Variants in GGACT observed in about 807,000 individuals in gnomAD.
GGACT encodes gamma-glutamylaminecyclotransferase.
For missense variants in GGACT, 241 were observed against 233.2 expected (o/e 1.03, Z -0.22); for synonymous variants, 118 against 115.3 (o/e 1.02, Z -0.15).
At chr13:100,540,300 TTGAC>T in intron 2 of GGACT, 1 of 890,908 alleles carries the variant, frequency 1.1e-6, no homozygotes, top group South Asian at 1.3e-5. Flanking sequence ...GGGGAGATTT[TTGAC>T]TGCTGCTTCA....
chr13:100,550,289 G>A lies in GGACT; in HGVS notation c.-10-17688C>T, dbSNP rs1226492634. ...GCGCTGAATGAATTAAATCCGAGCCGATTATACTCTACACACACACACACA... is the reference window on the plus strand; with the variant it reads ...GCGCTGAATGAATTAAATCCGAGCCAATTATACTCTACACACACACACACA... On this transcript the variant is annotated intron_variant, in intron 2 of 2. Coordinates refer to ENST00000683975, the MANE Select transcript of GGACT (RefSeq NM_001195087.2). Among the ~76,000 whole-genome samples the A allele has an allele frequency of 2.8e-5, 4 of 142,570 alleles. No individual in the cohort carries two copies. The East Asian group carries it at 6.2e-4, about 22-fold the overall frequency. 93.5% of individuals were successfully genotyped at this position (142,570 alleles called of 152,430 possible). A position where few individuals can be genotyped will look rare whatever the true frequency, so the allele number is the denominator to read the frequency against.
At chr13:100,570,771 C>T (rs543033157) in intron 2 of GGACT, among the ~76,000 whole-genome samples, 1 of 152,188 alleles carries the variant, frequency 6.6e-6, no homozygotes, top group Admixed American at 6.5e-5. Flanking sequence ...TCAGGTATGT[C>T]TTTATTAGCA....
Position 100,540,148 on chromosome 13 carries a change from T to G in GGACT, c.-10-7547A>C. 6.3e-6 allele frequency: 10 copies of G among 1,591,812 alleles called. No homozygotes were observed. The South Asian group carries it at 1.1e-4, about 18-fold the overall frequency. On this transcript the variant is annotated intron_variant, in intron 2 of 2. Transcript: ENST00000683975. ...TCGAATGACGAATTTCTTAATGGCG[T>G]TGTCCTTGGGCACGCATCGGGCACA...
At chr13:100,576,717 C>T (rs532070289) in intron 2 of GGACT, among the ~76,000 whole-genome samples, 10 of 152,210 alleles carry the variant, frequency 6.6e-5, no homozygotes, top group Admixed American at 5.2e-4. Flanking sequence ...GCACAACATA[C>T]GAAGATGAAC....
At chr13:100,585,888 C>G (rs1242152963) in intron 1 of GGACT, among the ~76,000 whole-genome samples, 1 of 137,896 alleles carries the variant, frequency 7.3e-6, no homozygotes, top group Non-Finnish European at 1.5e-5. Flanking sequence ...CCTGTAATCC[C>G]AACTACTCAG....
chr13:100,552,905 A>G (rs2088678102), intron 2 of GGACT, among the ~76,000 whole-genome samples: 1 of 151,818 alleles, frequency 6.6e-6, no homozygotes, highest in Non-Finnish European at 1.5e-5. Flanking sequence ...CCAGGTGTCA[A>G]GTGTCCTGCA....
chr13:100,568,615 C>T (rs1168315980), intron 2 of GGACT, among the ~76,000 whole-genome samples: 1 of 152,192 alleles, frequency 6.6e-6, no homozygotes, highest in African/African-American at 2.4e-5. Context: ...TAAGATGAGC[C>T]AAACCATAAC....
At chr13:100,550,495 G>A (rs1271268557) in intron 2 of GGACT, among the ~76,000 whole-genome samples, 2 of 151,778 alleles carry the variant, frequency 1.3e-5, no homozygotes, top group Non-Finnish European at 2.9e-5. Context: ...AGAAACCGCC[G>A]ACAAAAGCCA....
chr13:100,547,514 A>G (rs2088618918), intron 2 of GGACT, among the ~76,000 whole-genome samples: 1 of 152,250 alleles, frequency 6.6e-6, no homozygotes, highest in Non-Finnish European at 1.5e-5. Flanking sequence ...GGAGGCAGGC[A>G]GGCCCCGCGC....
At chr13:100,537,298 T>A (rs530780642) in intron 2 of GGACT, 1 of 152,436 alleles carries the variant, frequency 6.6e-6, no homozygotes, top group Non-Finnish European at 1.5e-5. Flanking sequence ...GCAAGGAGGT[T>A]TTCTTCAGGT....
rs913465730 is a variant in GGACT at position 100,532,052 on chromosome 13, C to A, written c.*78G>T. ...CATTGGAAAGGGCCCTGTTCGGCTT[C>A]CGCCTTCACCCAGCATGGGCTGGGC... On this transcript the variant is annotated 3_prime_UTR_variant, in exon 3 of 3. Transcript: ENST00000683975. 9.3e-7 allele frequency: 1 copy of A among 1,073,250 alleles called. No homozygotes were observed. The highest frequency in any genetic ancestry group is 1.3e-6 in the Non-Finnish European group (1 of 796,992). The allele number at this position is 1,073,250 out of a possible 1,614,324, so 66.5% of individuals were successfully genotyped here. A position where few individuals can be genotyped will look rare whatever the true frequency, so the allele number is the denominator to read the frequency against.
At chr13:100,575,944 A>G (rs961985381) in intron 2 of GGACT, among the ~76,000 whole-genome samples, 1 of 152,232 alleles carries the variant, frequency 6.6e-6, no homozygotes, top group Non-Finnish European at 1.5e-5. Context: ...TAATGGTCAA[A>G]CAGGAATGAG....
chr13:100,548,103 GC>G (rs1253665073), intron 2 of GGACT, among the ~76,000 whole-genome samples: 1 of 152,248 alleles, frequency 6.6e-6, no homozygotes, highest in Non-Finnish European at 1.5e-5. Context: ...CTGATGGCAG[GC>G]AACTTCTCGT....
At chr13:100,550,878 T>G (rs1365493609) in intron 2 of GGACT, among the ~76,000 whole-genome samples, 1 of 152,242 alleles carries the variant, frequency 6.6e-6, no homozygotes, top group Non-Finnish European at 1.5e-5. Context: ...AAAATCATGT[T>G]TACTCAGCCA....
chr13:100,581,747 A>G (rs1042848576), intron 2 of GGACT, among the ~76,000 whole-genome samples: 1 of 152,182 alleles, frequency 6.6e-6, no homozygotes, highest in Non-Finnish European at 1.5e-5. Flanking sequence ...GCCAATCACT[A>G]TTTCAGTCAG....
chr13:100,533,108 G>A (rs1020240056), intron 2 of GGACT, among the ~76,000 whole-genome samples: 1 of 152,232 alleles, frequency 6.6e-6, no homozygotes, highest in African/African-American at 2.4e-5. Flanking sequence ...CTGACCTGCT[G>A]ACTGCGCAGC....
chr13:100,535,197 G>GT (rs1372440565), intron 2 of GGACT, among the ~76,000 whole-genome samples: 1 of 152,210 alleles, frequency 6.6e-6, no homozygotes, highest in African/African-American at 2.4e-5. Flanking sequence ...CCCTGATGCA[G>GT]TTTTTTAAAA....
intron 2 of GGACT, among the ~76,000 whole-genome samples, chr13:100,559,529 C>T (rs1219997632): frequency 2.0e-5 from 3 of 151,806 alleles, no homozygotes; most frequent in African/African-American, 7.3e-5. Flanking sequence ...GAGTCTTGCT[C>T]GGTCGCCGAG....
At chr13:100,574,229 A>G (rs1305133911) in intron 2 of GGACT, among the ~76,000 whole-genome samples, 1 of 152,254 alleles carries the variant, frequency 6.6e-6, no homozygotes, top group African/African-American at 2.4e-5. Context: ...TGTCCTTTGC[A>G]GCAACATGGA....
Sources: allele counts gnomAD v4.1 joint callset (sites outside exome capture counted in the v4.1 genomes callset), GRCh38; gene constraint gnomAD v4.1.1; transcripts MANE v1.5; gene names NCBI Gene and HGNC (gene_info 2026-07-23, HGNC 2026-07-21).